MRC2: variants seen among roughly 807,000 people sequenced by gnomAD.
MRC2 encodes mannose receptor C-type 2.
A neutral mutation model predicts 206.2 loss-of-function variants in MRC2; 84 were observed. The observed-to-expected ratio is 0.41, with a 90% CI of 0.34 to 0.49. The LOEUF (loss-of-function observed/expected upper bound fraction) is 0.49. Among genes scored for constraint, MRC2 ranks in the 20% least tolerant of loss-of-function variants. The probability of loss-of-function intolerance (pLI) is 0.31; values close to 1 mark genes in which losing one functional copy is unlikely to be tolerated. For missense variants in MRC2, 1,676 were observed against 2,001.5 expected (o/e 0.84, Z 3.10); for synonymous variants, 798 against 800.0 (o/e 1.00, Z 0.04).
rs780168819 is a variant in MRC2, at chr17:62,680,283, G to C, written c.2412G>C (p.Leu804=). Residue 804 remains leucine, a synonymous_variant, in exon 15 of 30, where the codon CTG becomes CTC. Transcript: ENST00000303375. This position sits in a 1 kb window ranked among gnomAD's most constrained non-coding sequence, Gnocchi z 4.8. ...QWVAMQCDTQ[L]DWICKIPRGT... is the part of the protein sequence containing the mutation. ...TGGCCATGCAGTGCGACACACAGCT[G>C]GACTGGATCTGCAAGATCCCCAGAG... 1 of 1,614,072 alleles carries C rather than the reference G, an allele frequency of 6.2e-7. No homozygotes were observed. Among genetic ancestry groups the C allele is most frequent in the East Asian group, 2.2e-5 (1 of 44,866 alleles).
chr17:62,666,170 C>A lies in MRC2; in HGVS notation c.597C>A (p.His199Gln). Reference sequence around the variant, plus strand: ...TCAAATATGACAACCAGTGGTTCCACGGCTGCACCAGCACGGGCCGCGAGG... The same window carrying A: ...TCAAATATGACAACCAGTGGTTCCAAGGCTGCACCAGCACGGGCCGCGAGG... Reference protein sequence around the residue: ...IPFKYDNQWFHGCTSTGREDG... With the variant: ...IPFKYDNQWFQGCTSTGREDG... The change falls in exon 3 of 30, where the codon CAC becomes CAA. Residue 199 changes from histidine (H) to glutamine (Q), a missense_variant. His to Gln is a conservative substitution (Grantham distance 24). This residue lies in a region of MRC2 where 318 missense variants were observed against 346.7 expected (regional missense o/e 0.92). Transcript: ENST00000303375. This position sits in a 1 kb window ranked among gnomAD's most constrained non-coding sequence, Gnocchi z 5.0. 6.2e-7 allele frequency: 1 copy of A among 1,601,760 alleles called. No homozygotes were observed. The highest frequency in any genetic ancestry group is 8.5e-7 in the Non-Finnish European group (1 of 1,174,204).
Position 62,627,795 on chromosome 17 carries a change from G to T in MRC2, c.-8G>T, listed in dbSNP as rs776895587. The T allele has an allele frequency of 4.9e-6, 7 of 1,423,542 alleles. No homozygotes were observed. In the Admixed American group the frequency reaches 9.4e-5, roughly 19 times the overall value. 88.2% of individuals were successfully genotyped at this position (1,423,542 alleles called of 1,614,324 possible). A position where few individuals can be genotyped will look rare whatever the true frequency, so the allele number is the denominator to read the frequency against. ...GGTCCCCGCGTCCACTGAGCGCCGC[G>T]CTCGGGGATGGGGCCCGGCCGGCCG... On this transcript the variant is annotated 5_prime_UTR_variant, in exon 1 of 30. Coordinates refer to ENST00000303375, the MANE Select transcript of MRC2 (RefSeq NM_006039.5).
chr17:62,688,733 G>C, intron 22 of MRC2, 69 bp downstream of exon 22: 3 of 1,592,418 alleles, frequency 1.9e-6, no homozygotes, highest in Admixed American at 3.4e-5. Context: ...CTTTGCCCCA[G>C]CATCTCTTGC....
At chr17:62,630,975 T>A (rs2084211497) in intron 1 of MRC2, among the ~76,000 whole-genome samples, 1 of 152,138 alleles carries the variant, frequency 6.6e-6, no homozygotes, top group Non-Finnish European at 1.5e-5. Context: ...GAGCTGTGGC[T>A]AGTGCTGGGA....
intron 1 of MRC2, among the ~76,000 whole-genome samples, chr17:62,641,686 C>T (rs755158759): frequency 2.6e-5 from 4 of 152,174 alleles, no homozygotes; most frequent in East Asian, 1.9e-4. Context: ...CAGAGGTGGA[C>T]GAATGGACTC....
In MRC2 at chr17:62,679,911, G is replaced by T; in HGVS notation, c.2298+9G>T. 6.2e-7 allele frequency: 1 copy of T among 1,609,614 alleles called. No individual in the cohort carries two copies. Among genetic ancestry groups the T allele is most frequent in the African/African-American group, 1.3e-5 (1 of 74,908 alleles). ...GGAGCGACGGCGTAGGGGTGAGGGGGCCTGGGGTACTTGGGACTGCGAGGC... is the reference window on the plus strand; with the variant it reads ...GGAGCGACGGCGTAGGGGTGAGGGGTCCTGGGGTACTTGGGACTGCGAGGC... On this transcript the variant is annotated intron_variant, in intron 14 of 29. Coordinates refer to ENST00000303375, the MANE Select transcript of MRC2 (RefSeq NM_006039.5).
intron 20 of MRC2, among the ~76,000 whole-genome samples, chr17:62,685,178 T>A (rs1383894339): frequency 1.3e-5 from 2 of 151,642 alleles, no homozygotes; most frequent in African/African-American, 4.9e-5. Context: ...AAAAAAAAAA[T>A]TACACCTCTT....
At chr17:62,655,399 G>A (rs1037844750) in intron 1 of MRC2, among the ~76,000 whole-genome samples, 7 of 151,518 alleles carry the variant, frequency 4.6e-5, no homozygotes, top group Non-Finnish European at 1.0e-4. Flanking sequence ...AAAATTAGCC[G>A]GGCATGGTGG....
At position 62,674,058 on chromosome 17, in the gene MRC2, C is replaced by G. The variant is rs578081323; in HGVS notation, c.1462-5C>G. On this transcript the variant is annotated splice_region_variant and splice_polypyrimidine_tract_variant and intron_variant, in intron 8 of 29. Coordinates refer to ENST00000303375, the MANE Select transcript of MRC2 (RefSeq NM_006039.5). ...TTGAGATTCTTCCTCACCCTGTGTC[C>G]GTAGGAAGGCCGCTGGAACGACAGT... 1.9e-6 allele frequency: 3 copies of G among 1,547,470 alleles called. No homozygotes were observed. The South Asian group carries it at 3.6e-5, about 18-fold the overall frequency.
intron 1 of MRC2, among the ~76,000 whole-genome samples, chr17:62,640,654 C>T (rs1378617717): frequency 6.6e-6 from 1 of 151,852 alleles, no homozygotes; most frequent in Non-Finnish European, 1.5e-5. Flanking sequence ...GCTGAGAATA[C>T]AAGCACACCA....
chr17:62,678,812 C>T (rs2088926068), intron 13 of MRC2, among the ~76,000 whole-genome samples, 166 bp downstream of exon 13: 1 of 152,230 alleles, frequency 6.6e-6, no homozygotes, highest in South Asian at 2.1e-4. Context: ...CTTGTCCTCA[C>T]TCAAGTAGCC....
intron 22 of MRC2, 31 bp from the exon 23 acceptor site, chr17:62,688,821 G>C: frequency 6.3e-7 from 1 of 1,582,372 alleles, no homozygotes; most frequent in Non-Finnish European, 8.6e-7. Context: ...GGCAGCTGCT[G>C]GGGCTCCCCT....
intron 20 of MRC2, 95 bp downstream of exon 20, chr17:62,682,472 C>A: frequency 7.1e-7 from 1 of 1,407,922 alleles, no homozygotes; most frequent in Non-Finnish European, 9.5e-7. Flanking sequence ...TTGGCAGCAC[C>A]AAACTCATGG....
intron 18 of MRC2, chr17:62,681,565 C>G: frequency 4.2e-6 from 2 of 478,266 alleles, no homozygotes; most frequent in Non-Finnish European, 7.4e-6. Context: ...TTGAGCTTGT[C>G]TTTTTGCCCT....
At chr17:62,660,654 T>G (rs2088669030) in intron 1 of MRC2, among the ~76,000 whole-genome samples, 1 of 152,040 alleles carries the variant, frequency 6.6e-6, no homozygotes, top group South Asian at 2.1e-4. Context: ...AAACCAAACC[T>G]CCACAAGAGC....
In MRC2 at chr17:62,652,939, A is replaced by G. The variant is rs1408391872; in HGVS notation, c.119-11609A>G. ...AGGGGTGCCCCTTGGGAGCAGAAGC[A>G]GAGAAGACTCGGAACTCCAAGAGCA... On this transcript the variant is annotated intron_variant, in intron 1 of 29. Transcript: ENST00000303375. This position sits in a 1 kb window ranked among gnomAD's most constrained non-coding sequence, Gnocchi z 4.6. Among the ~76,000 whole-genome samples the G allele has an allele frequency of 6.6e-6, 1 of 152,078 alleles. No individual in the cohort carries two copies. The highest frequency in any genetic ancestry group is 1.5e-5 in the Non-Finnish European group (1 of 68,004).
At chr17:62,656,688 C>G (rs149284879) in intron 1 of MRC2, among the ~76,000 whole-genome samples, 2,099 of 152,236 alleles carry the variant, frequency 0.014, 23 homozygotes, top group Non-Finnish European at 0.021. Context: ...AGAGGAGGTC[C>G]TAGAGCAGTA....
chr17:62,630,558 G>A (rs2084208142), intron 1 of MRC2, among the ~76,000 whole-genome samples: 1 of 152,196 alleles, frequency 6.6e-6, no homozygotes, highest in Admixed American at 6.5e-5. Context: ...AGAAGGTTGA[G>A]TGAAAGAGGT....
At chr17:62,691,903 A>G (rs1295093219) in intron 28 of MRC2, among the ~76,000 whole-genome samples, 1 of 152,124 alleles carries the variant, frequency 6.6e-6, no homozygotes, top group Non-Finnish European at 1.5e-5. Context: ...AGCTGAGTGC[A>G]GCATGGCGTT....
Sources: gnomAD v4.1 joint callset for allele counts (sites outside exome capture counted in the v4.1 genomes callset) on GRCh38, gnomAD v4.1.1 for gene constraint, gnomAD v4.1.1 regional missense constraint, Gnocchi (gnomAD v3.1) non-coding constraint, MANE v1.5 for transcripts, NCBI Gene and HGNC (gene_info 2026-07-23, HGNC 2026-07-21) for gene names.